The following KLHL7 variants were observed in gnomAD, a reference collection of about 807,000 sequenced individuals.
The protein encoded by KLHL7 is kelch-like protein 7.
KLHL7 carries 44 observed loss-of-function variants against 67.4 expected under a neutral mutation model. The observed-to-expected ratio is 0.65, with a 90% CI of 0.51 to 0.84. The LOEUF (loss-of-function observed/expected upper bound fraction) is 0.84, where lower values mean the gene tolerates loss of function less well. KLHL7 is among the 40% of genes least tolerant of loss of function. KLHL7 has a pLI of 0.00. For missense variants in KLHL7, 362 were observed against 718.1 expected (o/e 0.50, Z 5.67); for synonymous variants, 252 against 243.3 (o/e 1.04, Z -0.33).
intron 1 of KLHL7, chr7:23,106,705 G>A: frequency 2.0e-6 from 2 of 1,000,246 alleles, no homozygotes; most frequent in Non-Finnish European, 2.4e-6. Flanking sequence ...TCTTCTAAGG[G>A]CACTGTGCGC....
At chr7:23,145,286 A>T (rs1367881516) in intron 6 of KLHL7, among the ~76,000 whole-genome samples, 1 of 146,316 alleles carries the variant, frequency 6.8e-6, no homozygotes, top group African/African-American at 2.6e-5. Context: ...AGAGAGCTTG[A>T]TTTTTTTCAA....
At position 23,177,566 on chromosome 7, in the gene KLHL7, C is replaced by T. The variant is rs1785316719; in HGVS notation, c.*3268C>T. ...AAAGTACACTCACCATACTGACAAG[C>T]ACATTTTCTATTTTGTTGCCCAAAA... On this transcript the variant is annotated 3_prime_UTR_variant, in exon 11 of 11. Coordinates refer to ENST00000339077, the MANE Select transcript of KLHL7 (RefSeq NM_001031710.3). The T allele has an allele frequency of 6.6e-6, 1 of 152,102 alleles. No homozygotes were observed. The highest frequency in any genetic ancestry group is 1.5e-5 in the Non-Finnish European group (1 of 68,032). The allele number at this position is 152,102 out of a possible 1,614,324, so 9.4% of individuals were successfully genotyped here. A position where few individuals can be genotyped will look rare whatever the true frequency, so the allele number is the denominator to read the frequency against.
At chr7:23,129,315 A>G (rs1783706849) in intron 4 of KLHL7, 2 of 313,912 alleles carry the variant, frequency 6.4e-6, no homozygotes, top group Non-Finnish European at 1.3e-5. Flanking sequence ...CCAGGACAAC[A>G]TGCTACAGGG....
intron 5 of KLHL7, among the ~76,000 whole-genome samples, chr7:23,143,146 C>T (rs561353453): frequency 2.1e-4 from 32 of 152,150 alleles, no homozygotes; most frequent in Admixed American, 1.2e-3. Flanking sequence ...AAATTAATTA[C>T]AAATATCACC....
intron 1 of KLHL7, among the ~76,000 whole-genome samples, chr7:23,116,839 T>A (rs1248810002): frequency 1.3e-5 from 2 of 152,182 alleles, no homozygotes; most frequent in East Asian, 3.8e-4. Context: ...CACAAACTTC[T>A]CAGTTCCACT....
chr7:23,140,645 A>G (rs1784150728), intron 4 of KLHL7, 124 bp from the exon 5 acceptor site: 2 of 792,474 alleles, frequency 2.5e-6, no homozygotes, highest in Non-Finnish European at 4.3e-6. Flanking sequence ...TCAATGAAAC[A>G]GAAACGGATC....
chr7:23,111,570 CA>C (rs1325849194), intron 1 of KLHL7, among the ~76,000 whole-genome samples: 1 of 152,122 alleles, frequency 6.6e-6, no homozygotes, highest in African/African-American at 2.4e-5. Context: ...CATGTAATCC[CA>C]GCACTTTGGG....
chr7:23,169,886 C>A (rs1021717422), intron 9 of KLHL7, among the ~76,000 whole-genome samples: 4 of 152,112 alleles, frequency 2.6e-5, no homozygotes, highest in African/African-American at 9.7e-5. Flanking sequence ...ATCCAACTCT[C>A]AAAATAAATG....
At chr7:23,117,081 C>CTTTTTTTTG (rs1783118189) in intron 1 of KLHL7, among the ~76,000 whole-genome samples, 1 of 68,216 alleles carries the variant, frequency 1.5e-5, no homozygotes, top group Non-Finnish European at 2.8e-5. Flanking sequence ...AGAGCCAGGC[C>CTTTTTTTTG]TTTTTTTTTT....
At chr7:23,124,855 T>C in intron 3 of KLHL7, 74 bp downstream of exon 3, 1 of 1,159,450 alleles carries the variant, frequency 8.6e-7, no homozygotes, top group Non-Finnish European at 1.3e-6. Context: ...TCGTAACAAA[T>C]AGTTGCACTA....
Position 23,124,683 on chromosome 7 carries a change from T to C in KLHL7, c.224-5T>C, listed in dbSNP as rs750929049. The C allele has an allele frequency of 1.3e-5, 20 of 1,579,698 alleles. No individual in the cohort carries two copies. Among genetic ancestry groups the C allele is most frequent in the Non-Finnish European group, 1.7e-5 (20 of 1,148,766 alleles). On this transcript the variant is annotated splice_region_variant and splice_polypyrimidine_tract_variant and intron_variant, in intron 2 of 10. Transcript: ENST00000339077. Reference sequence around the variant, plus strand: ...TGCCATTTATGTTTCTTCTCTTCATTGTAGCTAACATGCTTGAATCAAAGT... The same window carrying C: ...TGCCATTTATGTTTCTTCTCTTCATCGTAGCTAACATGCTTGAATCAAAGT...
chr7:23,148,163 A>T lies in KLHL7; in HGVS notation c.794-3904A>T, dbSNP rs1198246942. ...AATGTTGTCCATAGATTGGAAAGAA[A>T]TATATCCATACAATGCAATGTTCTA... On this transcript the variant is annotated intron_variant, in intron 6 of 10. Transcript: ENST00000339077. Among the ~76,000 whole-genome samples the T allele has an allele frequency of 3.3e-5, 5 of 152,328 alleles. No homozygotes were observed. In the East Asian group the frequency reaches 9.6e-4, roughly 29 times the overall value.
At position 23,165,937 on chromosome 7, in the gene KLHL7, A is replaced by G; in HGVS notation, c.1176A>G (p.Val392=). Residue 392 remains valine (V), a splice_region_variant and synonymous_variant, in exon 8 of 11, where the codon GTA becomes GTG. Transcript: ENST00000339077. ...TTTATACATCTGGAGGTTCAGAAGT[A>G]GGTAAGGACTTCTTAAGTATTTTGG... The part of the protein sequence containing the change: ...GKIYTSGGSE[V]GNSALYLFEC... 3 of 1,614,048 alleles carry G rather than the reference A, an allele frequency of 1.9e-6. No individual in the cohort carries two copies. Among genetic ancestry groups the G allele is most frequent in the Non-Finnish European group, 2.5e-6 (3 of 1,179,988 alleles).
At chr7:23,169,656 A>AT (rs1392667412) in intron 9 of KLHL7, among the ~76,000 whole-genome samples, 3 of 152,254 alleles carry the variant, frequency 2.0e-5, no homozygotes, top group East Asian at 1.9e-4. Context: ...ATTAATATTG[A>AT]TTTTTTACTT....
chr7:23,124,548 T>G, intron 2 of KLHL7, 140 bp from the exon 3 acceptor site: 1 of 702,638 alleles, frequency 1.4e-6, no homozygotes, highest in Non-Finnish European at 2.6e-6. Context: ...ATAGAAATGT[T>G]GGGCTTGCTG....
At chr7:23,166,614 G>A (rs565145589) in intron 8 of KLHL7, among the ~76,000 whole-genome samples, 3 of 152,238 alleles carry the variant, frequency 2.0e-5, no homozygotes, top group Admixed American at 6.5e-5. Flanking sequence ...ACCGTAAATG[G>A]TTATACTTTT....
intron 4 of KLHL7, among the ~76,000 whole-genome samples, chr7:23,136,456 A>G (rs1028055922): frequency 2.6e-5 from 4 of 152,344 alleles, no homozygotes. Flanking sequence ...AGCATTGCCC[A>G]GAAATCTCAA....
intron 4 of KLHL7, among the ~76,000 whole-genome samples, chr7:23,137,768 C>G (rs1784032045): frequency 6.7e-6 from 1 of 148,722 alleles, no homozygotes; most frequent in South Asian, 2.2e-4. Flanking sequence ...CATGAGCCAC[C>G]ACGCCTGGCC....
At chr7:23,111,321 G>A (rs1055073584) in intron 1 of KLHL7, among the ~76,000 whole-genome samples, 1 of 152,184 alleles carries the variant, frequency 6.6e-6, no homozygotes, top group Non-Finnish European at 1.5e-5. Flanking sequence ...TGGCAAGTTC[G>A]AGACTGATTA....
Sources: gnomAD v4.1 joint callset for allele counts (sites outside exome capture counted in the v4.1 genomes callset) on GRCh38, gnomAD v4.1.1 for gene constraint, MANE v1.5 for transcripts, NCBI Gene and HGNC (gene_info 2026-07-23, HGNC 2026-07-21) for gene names.